Variants in SLIT3 observed in about 807,000 individuals in gnomAD.
The protein encoded by SLIT3 is slit guidance ligand 3.
A neutral mutation model predicts 184.0 loss-of-function variants in SLIT3; 68 were observed. The ratio of observed to expected loss-of-function variants is 0.37; its 90% CI spans 0.30 to 0.45. The LOEUF is 0.45. SLIT3 is among the 20% of genes least tolerant of loss of function. The pLI is 1.00. For synonymous variants in SLIT3, 831 were observed against 828.6 expected (o/e 1.00, Z -0.05); for missense variants, 1,707 against 2,026.0 (o/e 0.84, Z 3.02).
At chr5:169,168,714 C>A (rs750429165) in intron 4 of SLIT3, among the ~76,000 whole-genome samples, 3 of 152,196 alleles carry the variant, frequency 2.0e-5, no homozygotes, top group Non-Finnish European at 2.9e-5. Context: ...GGTTTTCATA[C>A]TTTTAAACCA....
intron 4 of SLIT3, among the ~76,000 whole-genome samples, chr5:169,165,833 G>T (rs1275299864): frequency 5.9e-5 from 9 of 152,162 alleles, no homozygotes; most frequent in Admixed American, 5.9e-4. Flanking sequence ...CACTAGAATG[G>T]GAGTCCCATT....
At chr5:169,084,453 G>GA (rs1279857278) in intron 4 of SLIT3, among the ~76,000 whole-genome samples, 27 of 121,528 alleles carry the variant, frequency 2.2e-4, no homozygotes, top group African/African-American at 8.3e-4. Flanking sequence ...ACCATGCCCA[G>GA]ATTTTTTTTT....
At chr5:169,131,418 A>G (rs1432365709) in intron 4 of SLIT3, among the ~76,000 whole-genome samples, 1 of 152,194 alleles carries the variant, frequency 6.6e-6, no homozygotes, top group African/African-American at 2.4e-5. Context: ...GTATTCTAAC[A>G]AGTACTGCCG....
chr5:169,121,847 G>A (rs1012079514), intron 4 of SLIT3, among the ~76,000 whole-genome samples: 9 of 152,192 alleles, frequency 5.9e-5, no homozygotes, highest in African/African-American at 1.4e-4. Context: ...GGATAATGAC[G>A]CACATGTGGT....
chr5:168,844,043 C>T (rs1220576534), intron 6 of SLIT3, among the ~76,000 whole-genome samples: 1 of 143,980 alleles, frequency 6.9e-6, no homozygotes, highest in Non-Finnish European at 1.5e-5. Flanking sequence ...GAATTGAAGC[C>T]TGAGATGAGA....
At position 168,837,077 on chromosome 5, in the gene SLIT3, G is replaced by C. The variant is rs912004058; in HGVS notation, c.557+7507C>G. On this transcript the variant is annotated intron_variant, in intron 6 of 35. Transcript: ENST00000519560. ...CTGGAGTCTGGATGACTAAGAAGGA[G>C]GTGTGTGTTGAGTGGCACGAGAGCA... is the stretch of plus-strand genomic sequence containing the variant. Among the ~76,000 whole-genome samples the C allele has an allele frequency of 2.6e-5, 4 of 152,172 alleles. 1 individual carries two copies. Among genetic ancestry groups the C allele is most frequent in the Non-Finnish European group, 1.5e-5 (1 of 68,028 alleles).
chr5:168,708,623 T>TCATG (rs1225227389), intron 25 of SLIT3: 1 of 164,328 alleles, frequency 6.1e-6, no homozygotes, highest in Admixed American at 5.7e-5. Flanking sequence ...GCGATGATGC[T>TCATG]GACAATGGAC....
Position 168,671,450 on chromosome 5 carries a change from C to T in SLIT3, c.3875G>A (p.Arg1292His), listed in dbSNP as rs763277752. 3.0e-5 allele frequency: 49 copies of T among 1,612,890 alleles called. No individual in the cohort carries two copies. Among genetic ancestry groups the T allele is most frequent in the South Asian group, 8.8e-5 (8 of 90,764 alleles). ...IPTSTGLSALRQGTDRPLGGF... is the reference protein window; with the variant it reads ...IPTSTGLSALHQGTDRPLGGF... The stretch of plus-strand genomic sequence containing the variant: ...GCCTAGAGGCCGGTCCGTGCCCTGG[C>T]GCAAGGCAGAGAGGCCGGTGGAGGT... The change falls in exon 34 of 36, where the codon CGC (arginine) becomes CAC (histidine). Residue 1292 changes from arginine (R) to histidine (H), a missense_variant. Physicochemically the swap from Arg to His is conservative, Grantham distance 29 (BLOSUM62 0). Around this residue, in one of 3 missense-constraint regions of SLIT3, gnomAD observed 387 missense variants for 477.9 expected, o/e 0.81. Transcript: ENST00000519560.
At chr5:168,747,763 T>C (rs1754538352) in intron 20 of SLIT3, among the ~76,000 whole-genome samples, 1 of 152,022 alleles carries the variant, frequency 6.6e-6, no homozygotes, top group South Asian at 2.1e-4. Context: ...ATAAGAAAGC[T>C]CCTGTTCTGA....
At chr5:169,044,344 T>G (rs903843721) in intron 4 of SLIT3, among the ~76,000 whole-genome samples, 3 of 152,174 alleles carry the variant, frequency 2.0e-5, no homozygotes, top group Admixed American at 6.5e-5. Context: ...ATATCATTGT[T>G]CACAGCAGCA....
chr5:168,848,809 T>C (rs1758573867), intron 5 of SLIT3, among the ~76,000 whole-genome samples: 1 of 152,198 alleles, frequency 6.6e-6, no homozygotes, highest in Non-Finnish European at 1.5e-5. Flanking sequence ...GACTGGGAGA[T>C]AGCACTTTTG....
At chr5:168,973,456 C>T (rs776124388) in intron 4 of SLIT3, among the ~76,000 whole-genome samples, 1 of 152,176 alleles carries the variant, frequency 6.6e-6, no homozygotes, top group African/African-American at 2.4e-5. Context: ...CCATGTTGGC[C>T]AGGCTGGTCT....
chr5:168,735,661 TACACAC>T (rs150528782), intron 20 of SLIT3, among the ~76,000 whole-genome samples: 7,213 of 142,114 alleles, frequency 0.051, 268 homozygotes, highest in African/African-American at 0.11. Context: ...GACAGATAGA[TACACAC>T]ACACACACAC....
At chr5:168,778,899 G>C (rs1367636276) in intron 12 of SLIT3, among the ~76,000 whole-genome samples, 1 of 152,210 alleles carries the variant, frequency 6.6e-6, no homozygotes, top group Non-Finnish European at 1.5e-5. Flanking sequence ...GTATTCATCG[G>C]TATTTCCCCA....
rs756198293 is a variant in SLIT3 at position 168,722,286 on chromosome 5, G to A, written c.2453C>T (p.Ala818Val). 58 of 1,614,142 alleles carry A rather than the reference G, an allele frequency of 3.6e-5. No individual in the cohort carries two copies. Among genetic ancestry groups the A allele is most frequent in the Non-Finnish European group, 4.9e-5 (58 of 1,180,026 alleles). The change falls in exon 23 of 36, where the codon GCC becomes GTC. Residue 818 changes from alanine to valine, a missense_variant. This residue lies in a region of SLIT3 where 1,307 missense variants were observed against 1,511.6 expected (regional missense o/e 0.86). Transcript: ENST00000519560. Reference sequence around the variant, plus strand: ...TCGCAGGGACCGCAGCCCGTTGAAGGCGTGGACGGGGATGCACCTCAGCCG... The same window carrying A: ...TCGCAGGGACCGCAGCCCGTTGAAGACGTGGACGGGGATGCACCTCAGCCG... ...YNRLRCIPVH[A>V]FNGLRSLRVL...
intron 5 of SLIT3, among the ~76,000 whole-genome samples, chr5:168,875,072 G>A (rs1428818697): frequency 2.0e-5 from 3 of 150,974 alleles, no homozygotes; most frequent in Admixed American, 1.3e-4. Context: ...AGGAAAGAAG[G>A]GAGGAAGAGG....
intron 4 of SLIT3, among the ~76,000 whole-genome samples, chr5:168,926,333 A>G (rs997663913): frequency 1.3e-5 from 2 of 152,234 alleles, no homozygotes; most frequent in African/African-American, 2.4e-5. Context: ...AGGTGTGGGT[A>G]TGAGGTCCTG....
At chr5:168,720,906 T>C (rs1411774423) in intron 23 of SLIT3, 1 of 152,126 alleles carries the variant, frequency 6.6e-6, no homozygotes, top group Non-Finnish European at 1.5e-5. Context: ...GGGTGCTGTT[T>C]GTGGATTGCT....
At chr5:168,812,535 A>G (rs1388203783) in intron 8 of SLIT3, among the ~76,000 whole-genome samples, 1 of 152,234 alleles carries the variant, frequency 6.6e-6, no homozygotes, top group Non-Finnish European at 1.5e-5. Context: ...TCTGAACAAC[A>G]ACAAAAAAAC....
Sources: allele counts gnomAD v4.1 joint callset (sites outside exome capture counted in the v4.1 genomes callset), GRCh38; gene constraint gnomAD v4.1.1; regional missense constraint gnomAD v4.1.1; transcripts MANE v1.5; gene names NCBI Gene and HGNC (gene_info 2026-07-23, HGNC 2026-07-21).